MAGED1: variants seen among roughly 807,000 people sequenced by gnomAD.
MAGED1 encodes MAGE family member D1.
A neutral mutation model predicts 54.1 loss-of-function variants in MAGED1; 3 were observed. The observed-to-expected ratio is 0.06, with a 90% CI of 0.03 to 0.14. The LOEUF (loss-of-function observed/expected upper bound fraction) is 0.14. Ranked by LOEUF, MAGED1 falls within the 10% of genes least tolerant of loss-of-function variation. The pLI is 1.00. For missense variants in MAGED1, 485 were observed against 623.4 expected (o/e 0.78, Z 2.36); for synonymous variants, 217 against 227.3 (o/e 0.95, Z 0.41).
chrX:51,804,063 G>C (rs782414985), intron 1 of MAGED1, among the ~76,000 whole-genome samples: 5 of 112,178 alleles, frequency 4.5e-5, no homozygotes, highest in Non-Finnish European at 9.4e-5. Flanking sequence ...TTTTGCAGAC[G>C]AAGACTTTTT....
At chrX:51,809,981 T>C (rs1364695957) in intron 1 of MAGED1, among the ~76,000 whole-genome samples, 1 of 112,289 alleles carries the variant, frequency 8.9e-6, no homozygotes, top group African/African-American at 3.2e-5. Flanking sequence ...TTTTTTCATT[T>C]ATCAGTGTTC....
chrX:51,898,493 C>T, intron 9 of MAGED1, 88 bp from the exon 10 acceptor site: 1 of 989,231 alleles, frequency 1.0e-6, no homozygotes, highest in Non-Finnish European at 1.4e-6. Flanking sequence ...AACTCTCTGC[C>T]TCTTTTCTCA....
Position 51,896,619 on chromosome X carries a change from A to G in MAGED1, c.964A>G (p.Ser322Gly). The G allele has an allele frequency of 1.7e-6, 2 of 1,211,850 alleles. No homozygotes were observed. Among genetic ancestry groups the G allele is most frequent in the Admixed American group, 2.2e-5 (1 of 46,078 alleles). ...CAGGCAGACCCCACCAGCACGTCAG[A>G]GCCCTCCAGCTAGGCAGACCCCACC... The part of the protein sequence containing the change: ...TARQTPPARQ[S>G]PPARQTPPAW... Residue 322 changes from serine to glycine, a missense_variant, in exon 4 of 13, where the codon AGC becomes GGC. Coordinates refer to ENST00000326587, the MANE Select transcript of MAGED1 (RefSeq NM_006986.4).
intron 1 of MAGED1, among the ~76,000 whole-genome samples, chrX:51,840,219 A>G (rs1602227620): frequency 9.0e-6 from 1 of 111,398 alleles, no homozygotes; most frequent in Non-Finnish European, 1.9e-5. Flanking sequence ...TCTTCATAAG[A>G]TAGGTTATTT....
intron 1 of MAGED1, among the ~76,000 whole-genome samples, chrX:51,882,201 T>TAG (rs1928080536): frequency 8.9e-6 from 1 of 112,165 alleles, no homozygotes; most frequent in Non-Finnish European, 1.9e-5. Flanking sequence ...TTTAGATTAT[T>TAG]ACTCAGTATT....
chrX:51,837,360 C>T (rs1300588429), intron 1 of MAGED1, among the ~76,000 whole-genome samples: 1 of 111,753 alleles, frequency 8.9e-6, no homozygotes, highest in Non-Finnish European at 1.9e-5. Context: ...AATCCTTACT[C>T]TCTTCTGCTT....
chrX:51,820,506 T>C (rs1243627324), intron 1 of MAGED1, among the ~76,000 whole-genome samples: 7 of 112,106 alleles, frequency 6.2e-5, no homozygotes, highest in African/African-American at 2.3e-4. Context: ...AAGGTCCCCA[T>C]ACCCAGTATT....
intron 1 of MAGED1, among the ~76,000 whole-genome samples, chrX:51,873,534 T>TGTGAGAGA (rs1557361798): frequency 2.2e-5 from 2 of 90,579 alleles, no homozygotes; most frequent in South Asian, 6.0e-4. Context: ...TGTGTGTGTG[T>TGTGAGAGA]GAGAGAGAGA....
intron 1 of MAGED1, among the ~76,000 whole-genome samples, chrX:51,828,090 T>C (rs1215725057): frequency 1.8e-5 from 2 of 112,371 alleles, no homozygotes; most frequent in Non-Finnish European, 3.8e-5. Flanking sequence ...ATTGTGTTTA[T>C]ATGGCTTTAA....
chrX:51,860,342 A>G (rs1374184260), intron 1 of MAGED1, among the ~76,000 whole-genome samples: 3 of 111,946 alleles, frequency 2.7e-5, no homozygotes, highest in Non-Finnish European at 3.8e-5. Flanking sequence ...TTAGGAGGCT[A>G]TTTATAAAGT....
chrX:51,901,413 T>A, intron 11 of MAGED1, 140 bp from the exon 12 acceptor site: 4 of 537,745 alleles, frequency 7.4e-6, no homozygotes, highest in Non-Finnish European at 1.1e-5. Context: ...TTCCTTCTTT[T>A]TAAAGGCTGA....
At chrX:51,892,564 A>C (rs782759220), upstream of MAGED1, among the ~76,000 whole-genome samples, 1 of 111,988 alleles carries the variant, frequency 8.9e-6, no homozygotes, top group Non-Finnish European at 1.9e-5. Flanking sequence ...GTGGACCCCA[A>C]GGAGCAATTC....
intron 1 of MAGED1, among the ~76,000 whole-genome samples, chrX:51,856,688 A>G (rs1426317670): frequency 8.9e-6 from 1 of 111,874 alleles, no homozygotes; most frequent in Non-Finnish European, 1.9e-5. Flanking sequence ...TCCAAGGACT[A>G]TTGGTCTGAG....
intron 2 of MAGED1, 64 bp downstream of exon 2, chrX:51,894,413 C>T: frequency 9.5e-7 from 1 of 1,050,780 alleles, no homozygotes; most frequent in Non-Finnish European, 1.3e-6. Context: ...CCGCGGGCCT[C>T]TTTGGTCTCC....
At chrX:51,891,794 T>C (rs1928445667), upstream of MAGED1, among the ~76,000 whole-genome samples, 1 of 112,066 alleles carries the variant, frequency 8.9e-6, no homozygotes, top group Admixed American at 9.4e-5. Context: ...GGTAGGTAGT[T>C]ACTATGGATC....
At chrX:51,829,089 G>A (rs1925964366) in intron 1 of MAGED1, among the ~76,000 whole-genome samples, 1 of 111,321 alleles carries the variant, frequency 9.0e-6, no homozygotes, top group African/African-American at 3.3e-5. Context: ...GATACAGTTA[G>A]GTATTAAGCA....
chrX:51,894,873 C>T, intron 2 of MAGED1, 180 bp from the exon 3 acceptor site: 1 of 1,029,316 alleles, frequency 9.7e-7, no homozygotes, highest in Non-Finnish European at 1.3e-6. Context: ...ATGTTTAGTA[C>T]CCGCCTGGTC....
chrX:51,865,507 T>G (rs1350281035), intron 1 of MAGED1, among the ~76,000 whole-genome samples: 7 of 111,723 alleles, frequency 6.3e-5, no homozygotes, highest in Non-Finnish European at 3.8e-5. Flanking sequence ...CCTTTCTTCC[T>G]TCTATTTCTT....
chrX:51,889,627 CAAA>C (rs1170454113), upstream of MAGED1, among the ~76,000 whole-genome samples: 7 of 16,921 alleles, frequency 4.1e-4, no homozygotes, highest in Non-Finnish European at 7.7e-4. Context: ...GACTCTGTCT[CAAA>C]AAAAAAAAAA....
Sources: allele counts gnomAD v4.1 joint callset (sites outside exome capture counted in the v4.1 genomes callset), GRCh38; gene constraint gnomAD v4.1.1; transcripts MANE v1.5; gene names NCBI Gene and HGNC (gene_info 2026-07-23, HGNC 2026-07-21).